Variants in NIM1K observed in about 807,000 individuals in gnomAD.
NIM1K encodes serine/threonine-protein kinase NIM1.
Under a neutral mutation model 37.1 loss-of-function variants are expected in NIM1K, and 35 were observed. That is an observed-to-expected ratio of 0.94 (90% CI 0.72 to 1.25). The LOEUF (loss-of-function observed/expected upper bound fraction) is 1.25. Ranked by LOEUF, NIM1K falls within the 50% of genes most tolerant of loss-of-function variation. The pLI is 0.00. For missense variants in NIM1K, 564 were observed against 548.0 expected, an observed-to-expected ratio of 1.03 and a Z score of -0.29; for synonymous variants, 234 against 206.6, an observed-to-expected ratio of 1.13 and a Z score of -1.14.
intron 3 of NIM1K, among the ~76,000 whole-genome samples, chr5:43,278,507 A>T (rs564258237): frequency 5.3e-5 from 8 of 152,316 alleles, no homozygotes; most frequent in African/African-American, 1.9e-4. Context: ...AGGCCTGAGT[A>T]TCACTTTTAC....
chr5:43,233,634 A>G (rs2112246481), intron 1 of NIM1K, among the ~76,000 whole-genome samples: 1 of 152,338 alleles, frequency 6.6e-6, no homozygotes, highest in Middle Eastern at 3.4e-3. Context: ...ACACCCACTA[A>G]GGGCATCCCT....
chr5:43,233,579 T>A (rs911655211), intron 1 of NIM1K, among the ~76,000 whole-genome samples: 4 of 152,236 alleles, frequency 2.6e-5, no homozygotes, highest in Admixed American at 2.6e-4. Context: ...GTTACCCTGA[T>A]AGACTTTCTT....
intron 1 of NIM1K, among the ~76,000 whole-genome samples, chr5:43,224,121 T>G (rs1461769591): frequency 6.6e-6 from 1 of 151,790 alleles, no homozygotes; most frequent in Non-Finnish European, 1.5e-5. Flanking sequence ...CAGGCAGGTC[T>G]CGAACTCCTG....
chr5:43,219,540 C>T (rs952570368), intron 1 of NIM1K, among the ~76,000 whole-genome samples: 6 of 152,070 alleles, frequency 3.9e-5, no homozygotes, highest in Non-Finnish European at 7.4e-5. Flanking sequence ...CATACCTGTC[C>T]TGGGGATCAA....
intron 2 of NIM1K, among the ~76,000 whole-genome samples, chr5:43,268,437 T>A (rs551738447): frequency 1.3e-5 from 2 of 152,000 alleles, no homozygotes; most frequent in African/African-American, 4.8e-5. Context: ...ATTGTTTGGG[T>A]TGGAGATGAA....
chr5:43,212,320 G>A (rs369455537), intron 1 of NIM1K, among the ~76,000 whole-genome samples: 3 of 152,088 alleles, frequency 2.0e-5, no homozygotes, highest in Admixed American at 1.3e-4. Context: ...ACATGGCAGA[G>A]GTCTCCTCCC....
At chr5:43,208,656 G>A (rs1388462400) in intron 1 of NIM1K, among the ~76,000 whole-genome samples, 1 of 152,138 alleles carries the variant, frequency 6.6e-6, no homozygotes, top group African/African-American at 2.4e-5. Context: ...CCAGTTAGGG[G>A]AAACTGGGTA....
intron 2 of NIM1K, among the ~76,000 whole-genome samples, chr5:43,252,405 A>G (rs1752878501): frequency 6.6e-6 from 1 of 152,088 alleles, no homozygotes; most frequent in East Asian, 1.9e-4. Context: ...AGGAAAATAA[A>G]TAGCAGTTTG....
chr5:43,192,612 C>T (rs568045739), intron 1 of NIM1K, among the ~76,000 whole-genome samples: 13 of 152,332 alleles, frequency 8.5e-5, no homozygotes, highest in Non-Finnish European at 1.8e-4. Flanking sequence ...CCCACACCTG[C>T]CCAGGCCGAT....
At chr5:43,259,001 C>G (rs1752989106) in intron 2 of NIM1K, among the ~76,000 whole-genome samples, 1 of 140,326 alleles carries the variant, frequency 7.1e-6, no homozygotes, top group Admixed American at 7.4e-5. Context: ...TAAGTAAGAA[C>G]ATACAGTATT....
rs561915306 is a variant in NIM1K, at chr5:43,233,323, A to AC, written c.-694-11759_-694-11758insC. ...GCAAGAGTGACACTTAAAAAAAAAAAAAAACTTAACCTTCCTCTTGTCCCT... is the reference window on the plus strand; with the variant it reads ...GCAAGAGTGACACTTAAAAAAAAAAACAAAACTTAACCTTCCTCTTGTCCCT... On this transcript the variant is annotated intron_variant, in intron 1 of 3. Coordinates refer to ENST00000326035, the MANE Select transcript of NIM1K (RefSeq NM_153361.4). 1,522 of 438,948 alleles carry AC rather than the reference A, an allele frequency of 3.5e-3. 7 individuals are homozygous for AC. Among genetic ancestry groups the AC allele is most frequent in the Middle Eastern group, 7.2e-3 (12 of 1,672 alleles). The allele number at this position is 438,948 out of a possible 1,614,324, so 27.2% of individuals were successfully genotyped here.
At chr5:43,223,432 T>G in intron 1 of NIM1K, among the ~76,000 whole-genome samples, 1 of 152,234 alleles carries the variant, frequency 6.6e-6, no homozygotes, top group Non-Finnish European at 1.5e-5. Flanking sequence ...AAGAGCTAAC[T>G]GTTATTGACA....
chr5:43,225,937 G>C (rs1201287285), intron 1 of NIM1K: 1 of 152,232 alleles, frequency 6.6e-6, no homozygotes, highest in African/African-American at 2.4e-5. Flanking sequence ...GGTGTTGGAA[G>C]TACAAAAGAG....
At chr5:43,206,108 G>A (rs991926313) in intron 1 of NIM1K, among the ~76,000 whole-genome samples, 3 of 152,100 alleles carry the variant, frequency 2.0e-5, no homozygotes, top group Non-Finnish European at 4.4e-5. Context: ...AAATCAGCAG[G>A]TCAGTCTCAG....
At chr5:43,267,428 G>A (rs1467587960) in intron 2 of NIM1K, among the ~76,000 whole-genome samples, 1 of 152,000 alleles carries the variant, frequency 6.6e-6, no homozygotes, top group Non-Finnish European at 1.5e-5. Context: ...CTAACCTTGT[G>A]TAATATTTTT....
intron 1 of NIM1K, among the ~76,000 whole-genome samples, chr5:43,222,871 T>G (rs1661259450): frequency 6.6e-6 from 1 of 152,186 alleles, no homozygotes; most frequent in African/African-American, 2.4e-5. Flanking sequence ...CTGGGCACAG[T>G]GGCTCACGCC....
intron 2 of NIM1K, among the ~76,000 whole-genome samples, chr5:43,250,429 A>G (rs921639365): frequency 6.6e-6 from 1 of 152,170 alleles, no homozygotes; most frequent in Non-Finnish European, 1.5e-5. Context: ...ATTCTTTTCC[A>G]TACTTCTTTG....
rs549478685 is a variant in NIM1K at position 43,227,823 on chromosome 5, T to G, written c.-694-17259T>G. On this transcript the variant is annotated intron_variant, in intron 1 of 3. Coordinates refer to ENST00000326035, the MANE Select transcript of NIM1K (RefSeq NM_153361.4). ...TGGACTTAAGGGTTTTTTTCACAAA[T>G]GTTTTGGAATTCACCCCATATTGTC... Among the ~76,000 whole-genome samples the G allele has an allele frequency of 5.9e-5, 9 of 152,290 alleles. No homozygotes were observed. The South Asian group carries it at 1.9e-3, about 32-fold the overall frequency.
At chr5:43,232,697 C>T (rs527364988) in intron 1 of NIM1K, 3 of 1,466,596 alleles carry the variant, frequency 2.0e-6, no homozygotes, top group South Asian at 2.6e-5. Flanking sequence ...CCGTAATCAA[C>T]CGGGAGTTGT....
Sources: allele counts gnomAD v4.1 joint callset (sites outside exome capture counted in the v4.1 genomes callset), GRCh38; gene constraint gnomAD v4.1.1; transcripts MANE v1.5; gene names NCBI Gene and HGNC (gene_info 2026-07-23, HGNC 2026-07-21).